The following CNTNAP2 variants were observed in gnomAD, a reference collection of about 807,000 sequenced individuals.
The protein encoded by CNTNAP2 is contactin associated protein 2, also known as contactin-associated protein-like 2.
CNTNAP2 carries 98 observed loss-of-function variants against 155.2 expected under a neutral mutation model. The ratio of observed to expected loss-of-function variants is 0.63; its 90% CI spans 0.54 to 0.75. The LOEUF (loss-of-function observed/expected upper bound fraction) is 0.75, where lower values mean the gene tolerates loss of function less well. CNTNAP2 is among the 30% of genes least tolerant of loss of function. CNTNAP2 has a pLI of 0.00. For synonymous variants in CNTNAP2, 651 were observed against 631.2 expected, an observed-to-expected ratio of 1.03 and a Z score of -0.47; for missense variants, 1,727 against 1,688.1, an observed-to-expected ratio of 1.02 and a Z score of -0.40.
intron 1 of CNTNAP2, among the ~76,000 whole-genome samples, chr7:146,298,534 G>A (rs1414299158): frequency 6.6e-6 from 1 of 151,638 alleles, no homozygotes; most frequent in Non-Finnish European, 1.5e-5. Context: ...CTAAATTTCT[G>A]AGAAGCTGAG....
intron 13 of CNTNAP2, among the ~76,000 whole-genome samples, chr7:147,685,492 G>T (rs1392636585): frequency 6.6e-6 from 1 of 151,852 alleles, no homozygotes; most frequent in Non-Finnish European, 1.5e-5. Context: ...ATATGTTTCA[G>T]ATCCAAACAA....
intron 8 of CNTNAP2, among the ~76,000 whole-genome samples, chr7:147,299,482 T>C (rs1367621767): frequency 6.6e-6 from 1 of 151,978 alleles, no homozygotes; most frequent in East Asian, 1.9e-4. Flanking sequence ...AACTTATTTG[T>C]AAATGTTCAG....
intron 1 of CNTNAP2, among the ~76,000 whole-genome samples, chr7:146,517,038 A>T (rs748815336): frequency 6.6e-6 from 1 of 151,934 alleles, no homozygotes; most frequent in Non-Finnish European, 1.5e-5. Flanking sequence ...TTCCAGTAAA[A>T]ACAATTCATA....
chr7:148,027,290 T>C (rs941645925), intron 15 of CNTNAP2, among the ~76,000 whole-genome samples: 2 of 152,256 alleles, frequency 1.3e-5, no homozygotes. Context: ...ACAGTTGTCA[T>C]GATAACTTAG....
At chr7:146,532,851 G>A (rs189659557) in intron 1 of CNTNAP2, among the ~76,000 whole-genome samples, 7 of 152,074 alleles carry the variant, frequency 4.6e-5, no homozygotes, top group African/African-American at 1.2e-4. Context: ...TTGGGAGGCC[G>A]AGGCGGGCGG....
At chr7:147,431,635 C>T (rs1797468283) in intron 10 of CNTNAP2, among the ~76,000 whole-genome samples, 1 of 152,186 alleles carries the variant, frequency 6.6e-6, no homozygotes, top group South Asian at 2.1e-4. Flanking sequence ...TCACTAATGA[C>T]CGCCATGTCT....
chr7:148,061,138 G>A (rs1032511325), intron 15 of CNTNAP2, among the ~76,000 whole-genome samples: 1 of 151,994 alleles, frequency 6.6e-6, no homozygotes, highest in African/African-American at 2.4e-5. Flanking sequence ...ATAGGTTAAA[G>A]GTTTTTAAAA....
chr7:148,003,484 T>G (rs1344224136), intron 15 of CNTNAP2, among the ~76,000 whole-genome samples: 1 of 152,188 alleles, frequency 6.6e-6, no homozygotes, highest in Non-Finnish European at 1.5e-5. Context: ...GCAAGCATAC[T>G]TCCTCTCTGA....
intron 15 of CNTNAP2, among the ~76,000 whole-genome samples, chr7:148,062,028 A>AGAGT (rs1388530831): frequency 8.5e-4 from 90 of 106,008 alleles, no homozygotes; most frequent in Admixed American, 2.6e-3. Context: ...AGAGAGAGAG[A>AGAGT]GTGTGTGTGT....
intron 1 of CNTNAP2, among the ~76,000 whole-genome samples, chr7:146,133,518 G>A (rs1401693312): frequency 2.0e-5 from 3 of 152,118 alleles, no homozygotes; most frequent in African/African-American, 4.8e-5. Context: ...TAATGCCTAG[G>A]TTTTCTTCTA....
intron 21 of CNTNAP2, among the ~76,000 whole-genome samples, chr7:148,316,765 C>A (rs750331423): frequency 6.6e-6 from 1 of 152,164 alleles, no homozygotes; most frequent in Non-Finnish European, 1.5e-5. Flanking sequence ...AATCCTATTG[C>A]GATCTCATTT....
chr7:146,186,570 A>C (rs757571954), intron 1 of CNTNAP2, among the ~76,000 whole-genome samples: 1 of 152,164 alleles, frequency 6.6e-6, no homozygotes, highest in Non-Finnish European at 1.5e-5. Context: ...AATCACTTTT[A>C]TAGTGTCTTG....
intron 1 of CNTNAP2, chr7:146,117,301 T>A: frequency 3.4e-6 from 1 of 296,916 alleles, no homozygotes; most frequent in Non-Finnish European, 6.4e-6. Context: ...TGCATTTGGC[T>A]TAGGTAGGTC....
intron 21 of CNTNAP2, among the ~76,000 whole-genome samples, chr7:148,358,241 C>A (rs1390843695): frequency 1.3e-5 from 2 of 152,152 alleles, no homozygotes; most frequent in East Asian, 1.9e-4. Context: ...TTCGAGGCGC[C>A]TGTGCTTTCT....
intron 1 of CNTNAP2, among the ~76,000 whole-genome samples, chr7:146,483,055 T>G (rs532171005): frequency 4.4e-4 from 66 of 151,228 alleles, no homozygotes; most frequent in Middle Eastern, 3.4e-3. Context: ...GGCAGGCGGA[T>G]CATGAGGTCA....
intron 8 of CNTNAP2, among the ~76,000 whole-genome samples, chr7:147,135,858 G>A (rs539123966): frequency 1.5e-4 from 23 of 150,314 alleles, no homozygotes; most frequent in African/African-American, 5.6e-4. Context: ...GACCTGACCT[G>A]CATTCTTTTT....
chr7:146,566,628 C>T (rs896276396), intron 1 of CNTNAP2, among the ~76,000 whole-genome samples: 18 of 151,772 alleles, frequency 1.2e-4, no homozygotes, highest in African/African-American at 1.9e-4. Context: ...ACCCGGGAGG[C>T]GGAGGTTGCA....
intron 13 of CNTNAP2, among the ~76,000 whole-genome samples, chr7:147,830,133 CGTACTGTCTCA>C (rs1310332295): frequency 6.7e-6 from 1 of 149,030 alleles, no homozygotes; most frequent in Non-Finnish European, 1.5e-5. Flanking sequence ...GCTTGGAGTA[CGTACTGTCTCA>C]GTCCATTCGG....
chr7:147,156,120 T>C (rs1214139184), intron 8 of CNTNAP2, among the ~76,000 whole-genome samples: 1 of 152,004 alleles, frequency 6.6e-6, no homozygotes, highest in African/African-American at 2.4e-5. Context: ...AGCCAGCTGG[T>C]AAAGGAGAAA....
Sources: allele counts gnomAD v4.1 joint callset (sites outside exome capture counted in the v4.1 genomes callset), GRCh38; gene constraint gnomAD v4.1.1; transcripts MANE v1.5; gene names NCBI Gene and HGNC (gene_info 2026-07-23, HGNC 2026-07-21).